The following ATP13A2 variants were observed in gnomAD, a reference collection of about 807,000 sequenced individuals.
ATP13A2 encodes the protein ATPase cation transporting 13A2, also known as polyamine-transporting ATPase 13A2.
Under a neutral mutation model 138.3 loss-of-function variants are expected in ATP13A2, and 83 were observed. The observed-to-expected ratio is 0.60, with a 90% CI of 0.50 to 0.72. The LOEUF (loss-of-function observed/expected upper bound fraction) is 0.72, where lower values mean the gene tolerates loss of function less well. Among genes scored for constraint, ATP13A2 ranks in the 30% least tolerant of loss-of-function variants. ATP13A2 has a pLI of 0.00. For synonymous variants in ATP13A2, 663 were observed against 699.0 expected (o/e 0.95, Z 0.81); for missense variants, 1,402 against 1,606.4 (o/e 0.87, Z 2.17).
chr1:16,987,593 T>C (rs147741903), intron 25 of ATP13A2, among the ~76,000 whole-genome samples: 1 of 152,290 alleles, frequency 6.6e-6, no homozygotes, highest in Non-Finnish European at 1.5e-5. Flanking sequence ...TACCAGGGCA[T>C]GCACAGTTCC....
chr1:16,993,083 A>T (rs1004374894), intron 16 of ATP13A2, among the ~76,000 whole-genome samples: 1 of 151,928 alleles, frequency 6.6e-6, no homozygotes, highest in Non-Finnish European at 1.5e-5. Flanking sequence ...CACTTGGCTA[A>T]TTTTTGTATT....
intron 1 of ATP13A2, among the ~76,000 whole-genome samples, chr1:17,010,959 G>T (rs1210535606): frequency 6.6e-6 from 1 of 152,144 alleles, no homozygotes; most frequent in Non-Finnish European, 1.5e-5. Flanking sequence ...CCCATCTTTG[G>T]ATCTGGATTC....
intron 8 of ATP13A2, 117 bp downstream of exon 8, chr1:17,001,917 G>C (rs1375075110): frequency 9.5e-7 from 1 of 1,050,332 alleles, no homozygotes; most frequent in Non-Finnish European, 1.4e-6. Context: ...ATCCACTATG[G>C]AGAAGGGGAC....
chr1:17,001,945 C>G, intron 8 of ATP13A2, 89 bp downstream of exon 8: 1 of 1,379,246 alleles, frequency 7.3e-7, no homozygotes, highest in African/African-American at 1.4e-5. Flanking sequence ...CTGGTTGCCA[C>G]CGTAAAGTGG....
chr1:17,010,100 C>T (rs6662605), intron 1 of ATP13A2, among the ~76,000 whole-genome samples: 1 of 144,084 alleles, frequency 6.9e-6, no homozygotes, highest in African/African-American at 2.5e-5. Flanking sequence ...CCGTTCCCCC[C>T]TTCCCCCCTG....
intron 21 of ATP13A2, 55 bp from the exon 22 acceptor site, chr1:16,990,058 GC>G (rs1276465937): frequency 3.6e-5 from 58 of 1,612,408 alleles, no homozygotes; most frequent in Non-Finnish European, 4.8e-5. Flanking sequence ...GAGAGTTGGG[GC>G]CTGGGTCAGG....
rs1406914828 is a variant in ATP13A2, at chr1:16,996,000, C to T, written c.1518G>A (p.Lys506=). ...IHPLRINLGG[K]LQLVCFDKTG... ...CCTTGTCGAAACACACCAGCTGCAG[C>T]TTGCCCCCCAGGTTGATGCGCAGTG... The change falls in exon 15 of 29, where the codon AAG becomes AAA. Residue 506 remains lysine (K), a synonymous_variant. Transcript: ENST00000326735. This position sits in a 1 kb window ranked among gnomAD's most constrained non-coding sequence, Gnocchi z 4.1. 3.1e-6 allele frequency: 5 copies of T among 1,613,956 alleles called. No homozygotes were observed. The highest frequency in any genetic ancestry group is 1.7e-5 in the Admixed American group (1 of 60,012).
rs1377944508 is a variant in ATP13A2 at position 17,002,280 on chromosome 1, C to G, written c.635+16G>C. The G allele has an allele frequency of 6.2e-7, 1 of 1,612,212 alleles. No homozygotes were observed. Among genetic ancestry groups the G allele is most frequent in the East Asian group, 2.2e-5 (1 of 44,858 alleles). On this transcript the variant is annotated intron_variant, in intron 7 of 28. Coordinates refer to ENST00000326735, the MANE Select transcript of ATP13A2 (RefSeq NM_022089.4). ...GCCCCAGTTCTCAGGGCACCCCGGTCCAGGGCAGCACTGACCTCACCATTT... is the reference window on the plus strand; with the variant it reads ...GCCCCAGTTCTCAGGGCACCCCGGTGCAGGGCAGCACTGACCTCACCATTT...
At position 16,990,195 on chromosome 1, in the gene ATP13A2, C is replaced by T; in HGVS notation, c.2344G>A (p.Glu782Lys). The change falls in exon 21 of 29, where the codon GAG becomes AAG. Residue 782 changes from glutamate to lysine, a missense_variant. Glu to Lys is a moderately conservative substitution (Grantham distance 56, BLOSUM62 1). Coordinates refer to ENST00000326735, the MANE Select transcript of ATP13A2 (RefSeq NM_022089.4). ...TCGAGAGAGGCAGGCTGACCCCGCT[C>T]AGGGTGGGTGGCGTGGACGATGATC... ...HLIIVHATHP[E>K]RGQPASLEFL... is the part of the protein sequence containing the mutation. 6.2e-7 allele frequency: 1 copy of T among 1,613,986 alleles called. No individual in the cohort carries two copies. The highest frequency in any genetic ancestry group is 8.5e-7 in the Non-Finnish European group (1 of 1,180,022).
At chr1:17,000,771 A>G (rs140325415) in intron 8 of ATP13A2, 13 of 543,858 alleles carry the variant, frequency 2.4e-5, no homozygotes, top group African/African-American at 1.7e-4. Flanking sequence ...GCGAAACCCC[A>G]TATCTACAAA....
chr1:16,988,247 G>A lies in ATP13A2; in HGVS notation c.2763-13C>T. 1 of 1,614,162 alleles carries A rather than the reference G, an allele frequency of 6.2e-7. No homozygotes were observed. Among genetic ancestry groups the A allele is most frequent in the Non-Finnish European group, 8.5e-7 (1 of 1,180,000 alleles). ...ACAGCGCCCCTCCCTGGGTGGCAGGGCACGGACATTAGGGGACCCAGGTTG... is the reference window on the plus strand; with the variant it reads ...ACAGCGCCCCTCCCTGGGTGGCAGGACACGGACATTAGGGGACCCAGGTTG... On this transcript the variant is annotated splice_polypyrimidine_tract_variant and intron_variant, in intron 24 of 28. Transcript: ENST00000326735.
At chr1:16,994,186 T>C (rs1022734241) in intron 15 of ATP13A2, among the ~76,000 whole-genome samples, 15 of 145,490 alleles carry the variant, frequency 1.0e-4, no homozygotes, top group African/African-American at 3.8e-4. Context: ...GTTGGCTCGC[T>C]CTCTCTCTCT....
chr1:17,007,035 C>T (rs778893530), intron 1 of ATP13A2, among the ~76,000 whole-genome samples: 3 of 151,990 alleles, frequency 2.0e-5, no homozygotes, highest in South Asian at 2.1e-4. Flanking sequence ...GGATTACAGG[C>T]GCCCAGCTAA....
chr1:16,989,569 G>T, intron 23 of ATP13A2, 122 bp downstream of exon 23: 1 of 926,608 alleles, frequency 1.1e-6, no homozygotes, highest in Non-Finnish European at 1.7e-6. Context: ...TTGGTGAGGA[G>T]GGGTGACAGC....
intron 16 of ATP13A2, among the ~76,000 whole-genome samples, chr1:16,993,414 G>A (rs1232215171): frequency 2.0e-5 from 3 of 152,214 alleles, no homozygotes; most frequent in Non-Finnish European, 4.4e-5. Context: ...TGCCATGTAG[G>A]TCAGGCTGGG....
intron 6 of ATP13A2, among the ~76,000 whole-genome samples, chr1:17,003,585 C>CCACACACACACACACACACA (rs540533484): frequency 7.5e-6 from 1 of 132,988 alleles, no homozygotes; most frequent in Non-Finnish European, 1.6e-5. Context: ...ACCAAAAAAA[C>CCACACACACACACACACACA]CACACACACA....
chr1:17,007,700 C>T (rs572886643), intron 1 of ATP13A2, among the ~76,000 whole-genome samples: 286 of 151,878 alleles, frequency 1.9e-3, no homozygotes, highest in African/African-American at 6.6e-3. Context: ...TACAGGCGCC[C>T]GCCACCACGC....
chr1:17,011,621 C>T lies in ATP13A2; in HGVS notation c.10+108G>A. 5 of 1,346,816 alleles carry T rather than the reference C, an allele frequency of 3.7e-6. No individual in the cohort carries two copies. The highest frequency in any genetic ancestry group is 1.6e-5 in the South Asian group (1 of 64,374). The allele number at this position is 1,346,816 out of a possible 1,614,324, so 83.4% of individuals were successfully genotyped here. A position where few individuals can be genotyped will look rare whatever the true frequency, so the allele number is the denominator to read the frequency against. The stretch of plus-strand genomic sequence containing the variant: ...AACCAGGTCCCGCTTCCTGGGCTCG[C>T]GACCCCGCGGTGGGGGGCGTCGCCT... On this transcript the variant is annotated intron_variant, in intron 1 of 28. Transcript: ENST00000326735. This position sits in a 1 kb window ranked among gnomAD's most constrained non-coding sequence, Gnocchi z 7.3.
rs779272251 is a variant in ATP13A2 at position 17,005,060 on chromosome 1, G to GC, written c.300dup (p.Gln101AlafsTer10). On this transcript the variant is annotated frameshift_variant, in exon 4 of 29. Coordinates refer to ENST00000326735, the MANE Select transcript of ATP13A2 (RefSeq NM_022089.4). LOFTEE classifies it high-confidence loss of function. The stretch of plus-strand genomic sequence containing the variant: ...GTCTGCACCTGGACAGTGAAGAGCT[G>GC]CCAGGAACTATCCTGGAACACAGAG... The GC allele has an allele frequency of 6.2e-7, 1 of 1,614,016 alleles. No individual in the cohort carries two copies. The highest frequency in any genetic ancestry group is 1.3e-5 in the African/African-American group (1 of 74,910).
Sources: allele counts gnomAD v4.1 joint callset (sites outside exome capture counted in the v4.1 genomes callset), GRCh38; gene constraint gnomAD v4.1.1; non-coding constraint Gnocchi (gnomAD v3.1); transcripts MANE v1.5; gene names NCBI Gene and HGNC (gene_info 2026-07-23, HGNC 2026-07-21).